MMP28: variants seen among roughly 807,000 people sequenced by gnomAD.
MMP28 encodes matrix metalloproteinase-28.
Under a neutral mutation model 60.5 loss-of-function variants are expected in MMP28, and 55 were observed. The observed-to-expected ratio is 0.91, with a 90% CI of 0.73 to 1.14. MMP28 has a LOEUF of 1.14. Among genes scored for constraint, MMP28 ranks in the 50% most tolerant of loss-of-function variants. MMP28 has a pLI of 0.00. For missense variants in MMP28, 686 were observed against 738.3 expected (o/e 0.93, Z 0.82); for synonymous variants, 318 against 312.5 (o/e 1.02, Z -0.18).
chr17:35,773,876 C>T (rs1555606854), intron 3 of MMP28, among the ~76,000 whole-genome samples: 1 of 152,158 alleles, frequency 6.6e-6, no homozygotes, highest in East Asian at 1.9e-4. Flanking sequence ...ACTCCCCCTG[C>T]CCCCCACCAT....
downstream of MMP28, among the ~76,000 whole-genome samples, chr17:35,763,715 G>A (rs1379038149): frequency 6.6e-6 from 1 of 151,780 alleles, no homozygotes; most frequent in Non-Finnish European, 1.5e-5. Flanking sequence ...CGGCCAACAT[G>A]GTGAAACCCC....
intron 1 of MMP28, among the ~76,000 whole-genome samples, chr17:35,780,984 G>A (rs2086482910): frequency 6.6e-6 from 1 of 152,218 alleles, no homozygotes; most frequent in Admixed American, 6.5e-5. Context: ...TACGTAATCT[G>A]AGTCCTAAAG....
chr17:35,767,884 G>T lies in MMP28; in HGVS notation c.1036C>A (p.His346Asn). 6.2e-7 allele frequency: 1 copy of T among 1,606,674 alleles called. No homozygotes were observed. Among genetic ancestry groups the T allele is most frequent in the Non-Finnish European group, 8.5e-7 (1 of 1,176,478 alleles). The change falls in exon 7 of 8, where the codon CAT (histidine) becomes AAT (asparagine). Residue 346 changes from histidine (H) to asparagine (N), a missense_variant. Transcript: ENST00000605424. ...QQQLYIFKGS[H>N]FWEVAADGNV... ...CCATCAGCTGCCACCTCCCAGAAAT[G>T]GCTCCCTTTAAAAATGTACAGTTGC...
At chr17:35,771,312 T>A (rs1022902207) in intron 4 of MMP28, among the ~76,000 whole-genome samples, 1 of 149,242 alleles carries the variant, frequency 6.7e-6, no homozygotes, top group Non-Finnish European at 1.5e-5. Flanking sequence ...GTGTCTGTAG[T>A]CCCAGCTACT....
chr17:35,779,377 G>T, intron 1 of MMP28, 54 bp from the exon 2 acceptor site: 1 of 1,473,056 alleles, frequency 6.8e-7, no homozygotes. Context: ...CCCTCCCTTG[G>T]TCCCCAAGGG....
intron 1 of MMP28, among the ~76,000 whole-genome samples, chr17:35,790,209 G>A (rs1406721154): frequency 2.6e-5 from 4 of 151,700 alleles, no homozygotes; most frequent in Non-Finnish European, 5.9e-5. Context: ...GATTACAGGC[G>A]TTTGCCACTA....
intron 1 of MMP28, among the ~76,000 whole-genome samples, chr17:35,780,121 T>G (rs1172667211): frequency 6.6e-6 from 1 of 152,060 alleles, no homozygotes; most frequent in Non-Finnish European, 1.5e-5. Flanking sequence ...CAGGCTGGAG[T>G]GCAATGGTAC....
At chr17:35,765,808 C>T, downstream of MMP28, 10 of 975,354 alleles carry the variant, frequency 1.0e-5, no homozygotes, top group Non-Finnish European at 1.2e-5. Flanking sequence ...CTCCCCTGCA[C>T]CCATGCCCAC....
At chr17:35,775,803 C>T (rs1196471246) in intron 3 of MMP28, among the ~76,000 whole-genome samples, 1 of 152,228 alleles carries the variant, frequency 6.6e-6, no homozygotes, top group African/African-American at 2.4e-5. Flanking sequence ...CCTCCGCCAG[C>T]TTAGTGAAGG....
At position 35,795,478 on chromosome 17, in the gene MMP28, GCC is replaced by G. The variant is rs1483347869; in HGVS notation, c.-103_-102del. ...GACCCCGGGGATGGGACTGCTCTGC[GCC>G]GCCCCCGCACGGAGAGGGACTGTCC... On this transcript the variant is annotated 5_prime_UTR_variant, in exon 1 of 8. Transcript: ENST00000605424. 1 of 798,332 alleles carries G rather than the reference GCC, an allele frequency of 1.3e-6. No homozygotes were observed. The highest frequency in any genetic ancestry group is 1.8e-5 in the African/African-American group (1 of 54,790). 49.5% of individuals were successfully genotyped at this position (798,332 alleles called of 1,614,324 possible). A position where few individuals can be genotyped will look rare whatever the true frequency, so the allele number is the denominator to read the frequency against.
intron 1 of MMP28, among the ~76,000 whole-genome samples, chr17:35,783,849 C>T (rs898358283): frequency 2.0e-5 from 3 of 152,052 alleles, no homozygotes; most frequent in African/African-American, 7.2e-5. Context: ...TCCTAACTCG[C>T]CTCTGGGACC....
rs116642560 is a variant in MMP28 at position 35,786,875 on chromosome 17, G to A, written c.112-7552C>T. On this transcript the variant is annotated intron_variant, in intron 1 of 7. Coordinates refer to ENST00000605424, the MANE Select transcript of MMP28 (RefSeq NM_024302.5). ...TCTTGCAAGAATATAGACAGGACAGGTGTTGCTATTCCCATTTTAAAGATG... is the reference window on the plus strand; with the variant it reads ...TCTTGCAAGAATATAGACAGGACAGATGTTGCTATTCCCATTTTAAAGATG... 2.9e-3 allele frequency among the ~76,000 whole-genome samples: 441 copies of A among 151,898 alleles called. 1 individual carries two copies. The highest frequency in any genetic ancestry group is 0.01 in the African/African-American group (416 of 41,382).
intron 4 of MMP28, among the ~76,000 whole-genome samples, chr17:35,770,880 A>T (rs1003130855): frequency 6.6e-6 from 1 of 151,896 alleles, no homozygotes; most frequent in Non-Finnish European, 1.5e-5. Context: ...GCAAGACCTC[A>T]TCTCCACTAA....
In MMP28 at chr17:35,766,035, G is replaced by C. The variant is rs970831973; in HGVS notation, c.*465C>G. On this transcript the variant is annotated 3_prime_UTR_variant, in exon 8 of 8. Coordinates refer to ENST00000605424, the MANE Select transcript of MMP28 (RefSeq NM_024302.5). This position sits in a 1 kb window ranked among gnomAD's most constrained non-coding sequence, Gnocchi z 4.3. ...CTTCATCCCCATCCATGCTTCCTGGGGGTGGGGCCTCTGACTAAATATGAC... is the reference window on the plus strand; with the variant it reads ...CTTCATCCCCATCCATGCTTCCTGGCGGTGGGGCCTCTGACTAAATATGAC... 4.1e-6 allele frequency: 4 copies of C among 985,304 alleles called. No individual in the cohort carries two copies. In the African/African-American group the frequency reaches 7.0e-5, roughly 17 times the overall value. 61.0% of individuals were successfully genotyped at this position (985,304 alleles called of 1,614,324 possible).
At position 35,766,815 on chromosome 17, in the gene MMP28, G is replaced by A. The variant is rs1555603539; in HGVS notation, c.1248C>T (p.Arg416=). 6.4e-7 allele frequency: 1 copy of A among 1,573,744 alleles called. No homozygotes were observed. ...PQLCRAGGLP[R]HPDAALFFPP... The stretch of plus-strand genomic sequence containing the variant: ...GGAAGAAGAGGGCGGCGTCAGGATG[G>A]CGGGGCAGGCCCCCTGCCCGGCACA... Residue 416 remains arginine (R), a synonymous_variant, in exon 8 of 8, where the codon CGC becomes CGT. Transcript: ENST00000605424. This position sits in a 1 kb window ranked among gnomAD's most constrained non-coding sequence, Gnocchi z 4.3.
intron 7 of MMP28, 123 bp from the exon 8 acceptor site, chr17:35,767,017 A>G: frequency 1.1e-6 from 1 of 922,314 alleles, no homozygotes; most frequent in Non-Finnish European, 1.7e-6. Flanking sequence ...TGGTATTCAT[A>G]TCAATCAAAC....
Position 35,767,767 on chromosome 17 carries a change from A to T in MMP28, c.1153T>A (p.Phe385Ile). 2 of 1,564,220 alleles carry T rather than the reference A, an allele frequency of 1.3e-6. No homozygotes were observed. The highest frequency in any genetic ancestry group is 1.7e-6 in the Non-Finnish European group (2 of 1,154,542). Residue 385 changes from phenylalanine (F) to isoleucine (I), a missense_variant, in exon 7 of 8, where the codon TTC becomes ATC. Phe to Ile is a conservative substitution (Grantham distance 21, BLOSUM62 0). Coordinates refer to ENST00000605424, the MANE Select transcript of MMP28 (RefSeq NM_024302.5). ...AAAVSLNDGDFYFFKGGRCWR... is the reference protein window; with the variant it reads ...AAAVSLNDGDIYFFKGGRCWR... ...GAGCCAGTACCTTTGAAGAAGTAGAAATCTCCATCATTCAATGACACTGCC... is the reference window on the plus strand; with the variant it reads ...GAGCCAGTACCTTTGAAGAAGTAGATATCTCCATCATTCAATGACACTGCC...
chr17:35,795,597 G>C lies in MMP28; in HGVS notation c.-220C>G, dbSNP rs969070891. On this transcript the variant is annotated 5_prime_UTR_variant, in exon 1 of 8. Transcript: ENST00000605424. ...GGCCAGACGTCGTCCAGCCCGGGCA[G>C]TGCCTGCCCGCGGGTCCGCCGGCCC... The C allele has an allele frequency of 2.7e-6, 1 of 377,028 alleles. No homozygotes were observed. The highest frequency in any genetic ancestry group is 4.7e-6 in the Non-Finnish European group (1 of 212,484). 23.4% of individuals were successfully genotyped at this position (377,028 alleles called of 1,614,324 possible).
At chr17:35,759,083 G>A (rs75895279) in intron 2 of MMP28, among the ~76,000 whole-genome samples, 3,059 of 152,318 alleles carry the variant, frequency 0.02, 91 homozygotes, top group African/African-American at 0.07. Flanking sequence ...CCTGTAATGC[G>A]ATCTTGACTG....
Sources: allele counts gnomAD v4.1 joint callset (sites outside exome capture counted in the v4.1 genomes callset), GRCh38; gene constraint gnomAD v4.1.1; non-coding constraint Gnocchi (gnomAD v3.1); transcripts MANE v1.5; gene names NCBI Gene and HGNC (gene_info 2026-07-23, HGNC 2026-07-21).